Variants in PTPRK observed in about 807,000 individuals in gnomAD.
The protein encoded by PTPRK is protein tyrosine phosphatase receptor type K.
A neutral mutation model predicts 178.0 loss-of-function variants in PTPRK; 75 were observed. The ratio of observed to expected loss-of-function variants is 0.42; its 90% CI spans 0.35 to 0.51. PTPRK has a LOEUF of 0.51. Ranked by LOEUF, PTPRK falls within the 20% of genes least tolerant of loss-of-function variation. PTPRK has a pLI of 0.02. For missense variants in PTPRK, 1,441 were observed against 1,797.8 expected, an observed-to-expected ratio of 0.80 and a Z score of 3.59; for synonymous variants, 637 against 620.6, an observed-to-expected ratio of 1.03 and a Z score of -0.39.
chr6:128,464,021 C>T (rs1423055427), intron 1 of PTPRK, among the ~76,000 whole-genome samples: 1 of 151,910 alleles, frequency 6.6e-6, no homozygotes, highest in Non-Finnish European at 1.5e-5. Flanking sequence ...TCCGAAAATG[C>T]TAGGATTACA....
chr6:127,997,998 C>T (rs1157265777), intron 16 of PTPRK, among the ~76,000 whole-genome samples: 1 of 151,992 alleles, frequency 6.6e-6, no homozygotes, highest in Non-Finnish European at 1.5e-5. Context: ...CTTCCATGCC[C>T]CAGATTGGTA....
intron 1 of PTPRK, among the ~76,000 whole-genome samples, chr6:128,405,617 C>CTTTGTTTTG: frequency 6.6e-6 from 1 of 152,192 alleles, no homozygotes; most frequent in African/African-American, 2.4e-5. Flanking sequence ...TTAAACATAT[C>CTTTGTTTTG]TTTGTTTTGT....
At chr6:128,102,224 T>C (rs1385948124) in intron 7 of PTPRK, among the ~76,000 whole-genome samples, 2 of 152,218 alleles carry the variant, frequency 1.3e-5, no homozygotes, top group African/African-American at 2.4e-5. Context: ...CAAGTATCTT[T>C]ATCAAATAAT....
chr6:128,336,557 G>A (rs188695629), intron 2 of PTPRK, among the ~76,000 whole-genome samples: 1 of 152,054 alleles, frequency 6.6e-6, no homozygotes, highest in African/African-American at 2.4e-5. Flanking sequence ...ATCTACTATT[G>A]TGATATACTT....
chr6:128,450,043 C>G (rs1476693120), intron 1 of PTPRK, among the ~76,000 whole-genome samples: 4 of 146,396 alleles, frequency 2.7e-5, no homozygotes, highest in African/African-American at 1.0e-4. Flanking sequence ...AGGTTGGGGG[C>G]GGGGGCGGAG....
At chr6:128,169,010 T>C (rs1408617225) in intron 7 of PTPRK, among the ~76,000 whole-genome samples, 1 of 151,956 alleles carries the variant, frequency 6.6e-6, no homozygotes, top group Non-Finnish European at 1.5e-5. Flanking sequence ...CACTTAAATG[T>C]GGAATCTTTT....
chr6:128,341,521 A>C (rs148869931), intron 2 of PTPRK, among the ~76,000 whole-genome samples: 10 of 152,330 alleles, frequency 6.6e-5, no homozygotes, highest in African/African-American at 2.4e-4. Flanking sequence ...TTTGTGAAAG[A>C]AAATCCATAA....
intron 7 of PTPRK, among the ~76,000 whole-genome samples, chr6:128,125,276 G>A (rs1793153026): frequency 6.6e-6 from 1 of 152,116 alleles, no homozygotes; most frequent in South Asian, 2.1e-4. Flanking sequence ...TCATGGTGGT[G>A]GTTTCTCAGG....
intron 17 of PTPRK, among the ~76,000 whole-genome samples, chr6:127,996,353 T>C (rs1485125762): frequency 2.6e-5 from 4 of 152,140 alleles, no homozygotes; most frequent in African/African-American, 7.2e-5. Flanking sequence ...CATGCATTTA[T>C]GTACAAACAT....
intron 1 of PTPRK, among the ~76,000 whole-genome samples, chr6:128,399,746 T>C (rs896754063): frequency 1.3e-5 from 2 of 152,196 alleles, no homozygotes; most frequent in Non-Finnish European, 2.9e-5. Flanking sequence ...ATGGCCTTAA[T>C]TGCTCTCCTT....
intron 7 of PTPRK, among the ~76,000 whole-genome samples, chr6:128,162,966 T>C (rs1467898640): frequency 6.6e-6 from 1 of 151,560 alleles, no homozygotes; most frequent in African/African-American, 2.4e-5. Flanking sequence ...ATGTTTTATA[T>C]ATAATACTTA....
Position 128,519,238 on chromosome 6 carries a change from C to T in PTPRK, c.100+1021G>A. ...GCGTCCACCTGGTGAAACTTCAGAG[C>T]CCCCAGAGGAGAGAACGAAAGAAGC... On this transcript the variant is annotated intron_variant, in intron 1 of 29. Transcript: ENST00000368226. The surrounding 1 kb of genome is among the most constrained non-coding windows in gnomAD (Gnocchi z 4.3). 2.5e-6 allele frequency: 1 copy of T among 407,320 alleles called. No homozygotes were observed. Among genetic ancestry groups the T allele is most frequent in the Non-Finnish European group, 4.9e-6 (1 of 204,694 alleles). 25.2% of individuals were successfully genotyped at this position (407,320 alleles called of 1,614,324 possible).
intron 7 of PTPRK, among the ~76,000 whole-genome samples, chr6:128,098,295 A>C (rs981030267): frequency 6.6e-5 from 10 of 152,006 alleles, no homozygotes; most frequent in Non-Finnish European, 1.2e-4. Context: ...GCTCACACCA[A>C]ATGGGGTCTG....
intron 13 of PTPRK, among the ~76,000 whole-genome samples, chr6:128,048,001 G>C (rs1384318784): frequency 6.6e-6 from 1 of 152,120 alleles, no homozygotes; most frequent in African/African-American, 2.4e-5. Context: ...CTAGGTAAAA[G>C]GGATGAGTTG....
intron 7 of PTPRK, among the ~76,000 whole-genome samples, chr6:128,184,014 A>ATAAGATGTGGCC: frequency 6.6e-6 from 1 of 152,306 alleles, no homozygotes; most frequent in East Asian, 1.9e-4. Context: ...TATCCATATT[A>ATAAGATGTGGCC]TAAGATGTGG....
intron 7 of PTPRK, among the ~76,000 whole-genome samples, chr6:128,170,988 C>T (rs184158066): frequency 1.3e-5 from 2 of 151,190 alleles, no homozygotes; most frequent in African/African-American, 2.4e-5. Flanking sequence ...AAATAATAAA[C>T]GAATTACACA....
chr6:128,454,540 G>A (rs1848168366), intron 1 of PTPRK, among the ~76,000 whole-genome samples: 1 of 152,094 alleles, frequency 6.6e-6, no homozygotes, highest in Non-Finnish European at 1.5e-5. Flanking sequence ...ATTTTCAAGT[G>A]TACAACGCAG....
At chr6:128,159,350 A>G (rs564120102) in intron 7 of PTPRK, among the ~76,000 whole-genome samples, 38 of 151,966 alleles carry the variant, frequency 2.5e-4, no homozygotes, top group Middle Eastern at 6.8e-3. Flanking sequence ...CAGACTAGGA[A>G]CTTTCTACAA....
intron 3 of PTPRK, among the ~76,000 whole-genome samples, chr6:128,289,589 T>C (rs1300420358): frequency 6.6e-6 from 1 of 152,166 alleles, no homozygotes; most frequent in Non-Finnish European, 1.5e-5. Context: ...TCCTGTGGGA[T>C]ACCTTTTAAA....
Sources: gnomAD v4.1 joint callset for allele counts (sites outside exome capture counted in the v4.1 genomes callset) on GRCh38, gnomAD v4.1.1 for gene constraint, Gnocchi (gnomAD v3.1) non-coding constraint, MANE v1.5 for transcripts, NCBI Gene and HGNC (gene_info 2026-07-23, HGNC 2026-07-21) for gene names.